OPCML: variants seen among roughly 807,000 people sequenced by gnomAD.
OPCML encodes opioid binding protein/cell adhesion molecule like.
OPCML carries 13 observed loss-of-function variants against 37.8 expected under a neutral mutation model. That is an observed-to-expected ratio of 0.34 (90% CI 0.22 to 0.55). The LOEUF is 0.55. Among genes scored for constraint, OPCML ranks in the 20% least tolerant of loss-of-function variants. The pLI, the probability that OPCML is intolerant of heterozygous loss-of-function variation, is 0.91. For missense variants in OPCML, 341 were observed against 435.6 expected (o/e 0.78, Z 1.93); for synonymous variants, 176 against 168.8 (o/e 1.04, Z -0.33).
intron 1 of OPCML, among the ~76,000 whole-genome samples, chr11:133,316,901 A>G (rs1324701248): frequency 6.6e-6 from 1 of 152,222 alleles, no homozygotes; most frequent in Admixed American, 6.5e-5. Context: ...CACTGAAGCT[A>G]ACATGTAACT....
chr11:132,927,455 C>T (rs1331771091), intron 2 of OPCML, among the ~76,000 whole-genome samples: 2 of 151,934 alleles, frequency 1.3e-5, no homozygotes, highest in Non-Finnish European at 2.9e-5. Flanking sequence ...AATCTGTCAC[C>T]CAATAAATCC....
intron 2 of OPCML, among the ~76,000 whole-genome samples, chr11:132,923,792 T>A (rs1565968152): frequency 1.6e-5 from 2 of 126,958 alleles, no homozygotes; most frequent in South Asian, 5.7e-4. Context: ...AGACAGAGTC[T>A]CACTCTTGTT....
chr11:133,237,210 C>A (rs1028696001), intron 1 of OPCML, among the ~76,000 whole-genome samples: 4 of 152,206 alleles, frequency 2.6e-5, no homozygotes, highest in Admixed American at 1.3e-4. Context: ...GAAGGAATTC[C>A]TGTAGACAAC....
intron 4 of OPCML, among the ~76,000 whole-genome samples, chr11:132,523,942 T>C (rs1161772012): frequency 4.6e-5 from 7 of 152,220 alleles, no homozygotes; most frequent in South Asian, 2.1e-4. Context: ...GAGCAACTCA[T>C]AGGTGAAGAG....
At chr11:133,329,071 C>T (rs1397336408) in intron 1 of OPCML, among the ~76,000 whole-genome samples, 1 of 152,112 alleles carries the variant, frequency 6.6e-6, no homozygotes, top group Non-Finnish European at 1.5e-5. Context: ...CATGAGTGAA[C>T]TCCCATTCAC....
At chr11:133,412,630 T>C (rs1014511919) in intron 1 of OPCML, among the ~76,000 whole-genome samples, 2 of 151,848 alleles carry the variant, frequency 1.3e-5, no homozygotes, top group Admixed American at 6.6e-5. Context: ...AGATGAAAAA[T>C]AGTACACGTA....
At chr11:133,044,531 G>A (rs142774641) in intron 1 of OPCML, among the ~76,000 whole-genome samples, 20 of 152,300 alleles carry the variant, frequency 1.3e-4, no homozygotes, top group Middle Eastern at 3.4e-3. Flanking sequence ...AAAAGAGGCC[G>A]AGGGCGAGCA....
chr11:133,086,578 C>A (rs1000813406), intron 1 of OPCML, among the ~76,000 whole-genome samples: 3 of 152,050 alleles, frequency 2.0e-5, no homozygotes, highest in African/African-American at 7.2e-5. Context: ...TCAAGGTGTA[C>A]AACGTGATGA....
chr11:132,560,955 T>C lies in OPCML; in HGVS notation c.380-31769A>G, dbSNP rs144698747. On this transcript the variant is annotated intron_variant, in intron 3 of 7. Transcript: ENST00000524381. ...TCTATTTATCTTTGTTTTTGTTGCA[T>C]TTGCCTTTGGGTTCTTGGTCATGAA... is the stretch of plus-strand genomic sequence containing the variant. Among the ~76,000 whole-genome samples, 1,009 of 152,314 alleles carry C rather than the reference T, an allele frequency of 6.6e-3. 1 individual carries two copies. Among genetic ancestry groups the C allele is most frequent in the Middle Eastern group, 0.021 (6 of 292 alleles).
intron 1 of OPCML, among the ~76,000 whole-genome samples, chr11:133,106,277 G>A (rs1008455953): frequency 3.9e-5 from 6 of 152,158 alleles, no homozygotes; most frequent in Non-Finnish European, 7.4e-5. Flanking sequence ...CATCATCAAC[G>A]TATGCTCACG....
chr11:132,819,347 C>A (rs1451889164), intron 2 of OPCML, among the ~76,000 whole-genome samples: 1 of 111,732 alleles, frequency 8.9e-6, no homozygotes, highest in African/African-American at 3.3e-5. Flanking sequence ...ACTATGATTA[C>A]TTTGGTTAAA....
At chr11:132,565,422 G>A (rs7479144) in intron 3 of OPCML, among the ~76,000 whole-genome samples, 13,031 of 152,156 alleles carry the variant, frequency 0.086, 724 homozygotes, top group African/African-American at 0.16. Flanking sequence ...TCTCCCGAAC[G>A]TTAGCTTTCA....
intron 1 of OPCML, chr11:133,025,517 C>T (rs1947535986): frequency 2.1e-6 from 2 of 975,186 alleles, no homozygotes; most frequent in Non-Finnish European, 2.4e-6. Flanking sequence ...ACACTGGATT[C>T]TTCGGTTGAA....
intron 2 of OPCML, among the ~76,000 whole-genome samples, chr11:132,668,143 T>A (rs1244979475): frequency 6.6e-6 from 1 of 152,100 alleles, no homozygotes; most frequent in East Asian, 1.9e-4. Context: ...TTATACACGA[T>A]GAAAAGTTGA....
rs570903557 is a variant in OPCML, at chr11:133,429,248, G to A, written c.61+103016C>T. Among the ~76,000 whole-genome samples the A allele has an allele frequency of 9.2e-5, 14 of 152,268 alleles. No individual in the cohort carries two copies. In the East Asian group the frequency reaches 1.5e-3, roughly 17 times the overall value. On this transcript the variant is annotated intron_variant, in intron 1 of 7. Transcript: ENST00000524381. ...ACAGCAACTGCAAAGCCACTGAGGT[G>A]GGAACCAGTCTGACGTGTTCAAGAG...
At chr11:132,945,086 T>C (rs751738881) in intron 1 of OPCML, among the ~76,000 whole-genome samples, 1 of 152,246 alleles carries the variant, frequency 6.6e-6, no homozygotes, top group South Asian at 2.1e-4. Context: ...TGTGTAGGTC[T>C]AAAATTTTTA....
chr11:133,307,399 T>A (rs1456126568), intron 1 of OPCML, among the ~76,000 whole-genome samples: 1 of 152,226 alleles, frequency 6.6e-6, no homozygotes, highest in Non-Finnish European at 1.5e-5. Context: ...ACGTCCTTTC[T>A]GCTGTATTAT....
chr11:132,478,492 C>G (rs995569148), intron 4 of OPCML, among the ~76,000 whole-genome samples: 12 of 152,058 alleles, frequency 7.9e-5, no homozygotes, highest in Admixed American at 6.6e-4. Flanking sequence ...ACATGAGCCC[C>G]CCAAAGAGTC....
At chr11:133,463,375 C>A (rs1463473552) in intron 1 of OPCML, among the ~76,000 whole-genome samples, 2 of 151,992 alleles carry the variant, frequency 1.3e-5, no homozygotes, top group Non-Finnish European at 2.9e-5. Flanking sequence ...GAAGTGTACA[C>A]TTGAAAATGC....
Sources: gnomAD v4.1 joint callset for allele counts (sites outside exome capture counted in the v4.1 genomes callset) on GRCh38, gnomAD v4.1.1 for gene constraint, MANE v1.5 for transcripts, NCBI Gene and HGNC (gene_info 2026-07-23, HGNC 2026-07-21) for gene names.